The following TBKBP1 variants were observed in gnomAD, a reference collection of about 807,000 sequenced individuals.
The protein encoded by TBKBP1 is TBK1 binding protein 1.
In TBKBP1, 47 loss-of-function variants were observed where a neutral mutation model predicts 69.9. The ratio of observed to expected loss-of-function variants is 0.67; its 90% confidence interval spans 0.53 to 0.86. The LOEUF (loss-of-function observed/expected upper bound fraction) is 0.86, where lower values mean the gene tolerates loss of function less well. Among genes scored for constraint, TBKBP1 ranks in the 40% least tolerant of loss-of-function variants. The pLI is 0.00. For missense variants in TBKBP1, 831 were observed against 858.6 expected (o/e 0.97, Z 0.40); for synonymous variants, 418 against 390.3 (o/e 1.07, Z -0.84).
rs1283700513 is a variant in TBKBP1, at chr17:47,708,639, G to A, written c.992-86G>A. 7.0e-7 allele frequency: 1 copy of A among 1,420,186 alleles called. No individual in the cohort carries two copies. The highest frequency in any genetic ancestry group is 9.5e-7 in the Non-Finnish European group (1 of 1,054,542). 88.0% of individuals were successfully genotyped at this position (1,420,186 alleles called of 1,614,324 possible). On this transcript the variant is annotated intron_variant, in intron 8 of 9. Transcript: ENST00000578982. The surrounding 1 kb of genome is among the most constrained non-coding windows in gnomAD (Gnocchi z 4.4). The stretch of plus-strand genomic sequence containing the variant: ...CCTGTGGCCTGGAGTTGGTGGGCAT[G>A]GGTCCGGGCAAGCCCCTGGCGCTCC...
At chr17:47,707,834 A>G (rs2031749189) in intron 7 of TBKBP1, among the ~76,000 whole-genome samples, 1 of 152,218 alleles carries the variant, frequency 6.6e-6, no homozygotes, top group Non-Finnish European at 1.5e-5. Context: ...ATCTTCACTT[A>G]TGGAACGAGC....
chr17:47,698,159 G>A (rs147094459), intron 4 of TBKBP1, among the ~76,000 whole-genome samples: 1 of 152,238 alleles, frequency 6.6e-6, no homozygotes, highest in East Asian at 1.9e-4. Flanking sequence ...CACTCGGGGT[G>A]TGCCAGGCAC....
chr17:47,710,183 C>G (rs1440684619), intron 9 of TBKBP1, among the ~76,000 whole-genome samples: 1 of 152,224 alleles, frequency 6.6e-6, no homozygotes, highest in Non-Finnish European at 1.5e-5. Flanking sequence ...TAGGATCGTA[C>G]ATTGCTTTGA....
intron 1 of TBKBP1, chr17:47,695,582 G>T: frequency 6.5e-6 from 1 of 153,102 alleles, no homozygotes; most frequent in Non-Finnish European, 1.5e-5. Flanking sequence ...AGTTGGGCGG[G>T]GGTGCAGCCG....
intron 7 of TBKBP1, among the ~76,000 whole-genome samples, chr17:47,705,584 A>G (rs2031666631): frequency 6.6e-6 from 1 of 152,250 alleles, no homozygotes; most frequent in Non-Finnish European, 1.5e-5. Flanking sequence ...TGATGGTGAA[A>G]AAGCACTCAG....
intron 5 of TBKBP1, among the ~76,000 whole-genome samples, chr17:47,698,981 G>A (rs1301595378): frequency 3.9e-5 from 6 of 151,974 alleles, no homozygotes; most frequent in Non-Finnish European, 5.9e-5. Flanking sequence ...TGATCACCTC[G>A]TTGCAATTCC....
chr17:47,709,273 C>G lies in TBKBP1; in HGVS notation c.1540C>G (p.Leu514Val), dbSNP rs1257891584. Reference sequence around the variant, plus strand: ...GCGGCGCGCCTTCGAGGGCATCCGGCTGCGCTTCGAGAAGCAGCCGTCGGA... The same window carrying G: ...GCGGCGCGCCTTCGAGGGCATCCGGGTGCGCTTCGAGAAGCAGCCGTCGGA... ...SPRRAFEGIR[L>V]RFEKQPSEED... Residue 514 changes from leucine to valine, a missense_variant, in exon 9 of 10, where the codon CTG (leucine) becomes GTG (valine). Coordinates refer to ENST00000578982, the MANE Select transcript of TBKBP1 (RefSeq NM_001394755.1). The G allele has an allele frequency of 2.0e-5, 30 of 1,524,430 alleles. No homozygotes were observed. The highest frequency in any genetic ancestry group is 2.4e-5 in the Non-Finnish European group (28 of 1,144,156). 94.4% of individuals were successfully genotyped at this position (1,524,430 alleles called of 1,614,324 possible).
intron 4 of TBKBP1, 136 bp downstream of exon 4, chr17:47,697,329 C>T (rs1465914086): frequency 2.6e-6 from 2 of 759,904 alleles, no homozygotes; most frequent in Non-Finnish European, 2.2e-6. Context: ...TTGTTTGTGC[C>T]CTGCTTGTGT....
Position 47,709,147 on chromosome 17 carries a change from G to A in TBKBP1, c.1414G>A (p.Ala472Thr). 2 of 1,402,548 alleles carry A rather than the reference G, an allele frequency of 1.4e-6. No individual in the cohort carries two copies. The highest frequency in any genetic ancestry group is 2.3e-4 in the Middle Eastern group (1 of 4,280). The allele number at this position is 1,402,548 out of a possible 1,614,324, so 86.9% of individuals were successfully genotyped here. The stretch of plus-strand genomic sequence containing the variant: ...TGAGCTGGCGGAGGGCGCGGCCTAC[G>A]CGGGCGCCTCCCCGCCCTGGCTGCA... The part of the protein sequence containing the change: ...YSELAEGAAY[A>T]GASPPWLQAE... The change falls in exon 9 of 10, where the codon GCG becomes ACG. Residue 472 changes from alanine (A) to threonine (T), a missense_variant. Transcript: ENST00000578982.
intron 7 of TBKBP1, among the ~76,000 whole-genome samples, chr17:47,703,479 C>T (rs1567907525): frequency 6.6e-6 from 1 of 152,228 alleles, no homozygotes; most frequent in South Asian, 2.1e-4. Context: ...GCTGCACTCA[C>T]AGGAGTTAAC....
rs1187524122 is a variant in TBKBP1 at position 47,699,306 on chromosome 17, C to T, written c.635-14C>T. On this transcript the variant is annotated splice_polypyrimidine_tract_variant and intron_variant, in intron 5 of 9. Transcript: ENST00000578982. The stretch of plus-strand genomic sequence containing the variant: ...GCAGCTGAGCTCGCCTGACGTTGTC[C>T]TGTCCACCGACAGCAGGCTGGCCGG... The T allele has an allele frequency of 3.3e-6, 5 of 1,512,198 alleles. No individual in the cohort carries two copies. Among genetic ancestry groups the T allele is most frequent in the Non-Finnish European group, 4.4e-6 (5 of 1,135,968 alleles). 93.7% of individuals were successfully genotyped at this position (1,512,198 alleles called of 1,614,324 possible). A position where few individuals can be genotyped will look rare whatever the true frequency, so the allele number is the denominator to read the frequency against.
At chr17:47,698,886 A>G in intron 5 of TBKBP1, 111 bp downstream of exon 5, 2 of 1,085,118 alleles carry the variant, frequency 1.8e-6, no homozygotes, top group East Asian at 2.9e-5. Context: ...CTATTTCTCC[A>G]TAATCATCCC....
chr17:47,706,412 G>A (rs918071491), intron 7 of TBKBP1, among the ~76,000 whole-genome samples: 1 of 152,158 alleles, frequency 6.6e-6, no homozygotes, highest in African/African-American at 2.4e-5. Flanking sequence ...TGGGGGAGAT[G>A]CCATTTCTTC....
rs571163206 is a variant in TBKBP1 at position 47,695,344 on chromosome 17, C to T, written c.-34-735C>T. 7.3e-4 allele frequency: 111 copies of T among 152,518 alleles called. No individual in the cohort carries two copies. In the South Asian group the frequency reaches 0.017, roughly 24 times the overall value. The allele number at this position is 152,518 out of a possible 1,614,324, so 9.4% of individuals were successfully genotyped here. A position where few individuals can be genotyped will look rare whatever the true frequency, so the allele number is the denominator to read the frequency against. On this transcript the variant is annotated intron_variant, in intron 1 of 9. Transcript: ENST00000578982. ...TCATTCCTGCCCCCTCGTAGGGTTCCCCATTTCCCGGTGCGCGGGCACCCT... is the reference window on the plus strand; with the variant it reads ...TCATTCCTGCCCCCTCGTAGGGTTCTCCATTTCCCGGTGCGCGGGCACCCT...
At chr17:47,697,990 C>G (rs969358520) in intron 4 of TBKBP1, among the ~76,000 whole-genome samples, 3 of 149,474 alleles carry the variant, frequency 2.0e-5, no homozygotes, top group Non-Finnish European at 4.4e-5. Context: ...GAGACATGGT[C>G]TCAGCCAACC....
Position 47,708,127 on chromosome 17 carries a change from C to T in TBKBP1, c.873-267C>T, listed in dbSNP as rs1255415991. On this transcript the variant is annotated intron_variant, in intron 7 of 9. Coordinates refer to ENST00000578982, the MANE Select transcript of TBKBP1 (RefSeq NM_001394755.1). This position sits in a 1 kb window ranked among gnomAD's most constrained non-coding sequence, Gnocchi z 4.4. ...GATTCAGGGAGCCCTTGGAATCTCT[C>T]TGCTCCCTGTCCCTGCACTTAGGCT... Among the ~76,000 whole-genome samples, 1 of 152,230 alleles carries T rather than the reference C, an allele frequency of 6.6e-6. No individual in the cohort carries two copies. The highest frequency in any genetic ancestry group is 1.5e-5 in the Non-Finnish European group (1 of 68,040).
In TBKBP1 at chr17:47,708,917, T is replaced by G; in HGVS notation, c.1184T>G (p.Val395Gly). Residue 395 changes from valine to glycine, a missense_variant, in exon 9 of 10, where the codon GTC (valine) becomes GGC (glycine). Transcript: ENST00000578982. The surrounding 1 kb of genome is among the most constrained non-coding windows in gnomAD (Gnocchi z 4.4). Reference protein sequence around the residue: ...SPASPSCPSPVPQRRSPVPPS... With the variant: ...SPASPSCPSPGPQRRSPVPPS... ...GCCTCACCCTCCTGCCCGTCGCCCG[T>G]CCCGCAGCGCCGCTCGCCGGTGCCG... is the stretch of plus-strand genomic sequence containing the variant. The G allele has an allele frequency of 7.4e-7, 1 of 1,342,914 alleles. No homozygotes were observed. Among genetic ancestry groups the G allele is most frequent in the African/African-American group, 1.6e-5 (1 of 61,022 alleles). 83.2% of individuals were successfully genotyped at this position (1,342,914 alleles called of 1,614,324 possible).
At position 47,708,492 on chromosome 17, in the gene TBKBP1, A is replaced by T; in HGVS notation, c.971A>T (p.Gln324Leu). Residue 324 changes from glutamine to leucine, a missense_variant, in exon 8 of 10, where the codon CAG becomes CTG. Transcript: ENST00000578982. The surrounding 1 kb of genome is among the most constrained non-coding windows in gnomAD (Gnocchi z 4.4). ...LQGRILRTLL[Q>L]EQARSGGQRH... Reference sequence around the variant, plus strand: ...GGGAGAATCTTGAGGACTCTGTTGCAGGAACAGGCCCGGAGTGGCGGTGAG... The same window carrying T: ...GGGAGAATCTTGAGGACTCTGTTGCTGGAACAGGCCCGGAGTGGCGGTGAG... 6.2e-7 allele frequency: 1 copy of T among 1,613,866 alleles called. No homozygotes were observed. The highest frequency in any genetic ancestry group is 8.5e-7 in the Non-Finnish European group (1 of 1,179,832).
rs371163367 is a variant in TBKBP1 at position 47,696,191 on chromosome 17, C to T, written c.79C>T (p.Pro27Ser). Residue 27 changes from proline to serine, a missense_variant, in exon 2 of 10, where the codon CCC (proline) becomes TCC (serine). Coordinates refer to ENST00000578982, the MANE Select transcript of TBKBP1 (RefSeq NM_001394755.1). ...GCCTAGTGAGGTGTGGCTGGACAGT[C>T]CCGGAGACCCCTCGCTTGGGGGCGA... is the stretch of plus-strand genomic sequence containing the variant. ...LGPSEVWLDS[P>S]GDPSLGGDMC... 1.2e-6 allele frequency: 2 copies of T among 1,613,716 alleles called. No homozygotes were observed. The highest frequency in any genetic ancestry group is 3.3e-5 in the Admixed American group (2 of 60,026).
Sources: gnomAD v4.1 joint callset for allele counts (sites outside exome capture counted in the v4.1 genomes callset) on GRCh38, gnomAD v4.1.1 for gene constraint, Gnocchi (gnomAD v3.1) non-coding constraint, MANE v1.5 for transcripts, NCBI Gene and HGNC (gene_info 2026-07-23, HGNC 2026-07-21) for gene names.